PARD3: variants seen among roughly 807,000 people sequenced by gnomAD.
The protein encoded by PARD3 is par-3 family cell polarity regulator.
Under a neutral mutation model 155.4 loss-of-function variants are expected in PARD3, and 75 were observed. That is an observed-to-expected ratio of 0.48 (90% CI 0.40 to 0.58). The LOEUF (loss-of-function observed/expected upper bound fraction) is 0.58. PARD3 is among the 20% of genes least tolerant of loss of function. PARD3 has a pLI of 0.00. For synonymous variants in PARD3, 576 were observed against 610.5 expected (o/e 0.94, Z 0.83); for missense variants, 1,642 against 1,721.7 (o/e 0.95, Z 0.82).
intron 22 of PARD3, among the ~76,000 whole-genome samples, chr10:34,253,648 C>T (rs1013264779): frequency 3.9e-5 from 6 of 152,148 alleles, no homozygotes; most frequent in Non-Finnish European, 7.3e-5. Context: ...CTAAGCAATC[C>T]TTAATTGCTG....
At chr10:34,283,378 A>G (rs1277115355) in intron 21 of PARD3, among the ~76,000 whole-genome samples, 1 of 152,144 alleles carries the variant, frequency 6.6e-6, no homozygotes, top group East Asian at 1.9e-4. Context: ...GATGACAGAG[A>G]GAAGCTCACT....
At chr10:34,603,610 C>T (rs2089974951) in intron 2 of PARD3, among the ~76,000 whole-genome samples, 2 of 152,080 alleles carry the variant, frequency 1.3e-5, no homozygotes. Flanking sequence ...ATTAGGAACT[C>T]CAAACGACTC....
chr10:34,218,430 G>C (rs1952114665), intron 22 of PARD3, among the ~76,000 whole-genome samples: 1 of 152,100 alleles, frequency 6.6e-6, no homozygotes. Context: ...TGAGTCAAGA[G>C]AGTATCTCTA....
At chr10:34,435,644 T>C (rs926334544) in intron 5 of PARD3, among the ~76,000 whole-genome samples, 6 of 152,184 alleles carry the variant, frequency 3.9e-5, no homozygotes, top group African/African-American at 1.4e-4. Context: ...ACATAGTATG[T>C]TTACGTTTGG....
At chr10:34,556,440 T>A (rs544283441) in intron 2 of PARD3, among the ~76,000 whole-genome samples, 25 of 151,106 alleles carry the variant, frequency 1.7e-4, no homozygotes, top group South Asian at 1.1e-3. Flanking sequence ...TAGAGTGCAG[T>A]GGCGAGATCT....
At chr10:34,216,702 C>T (rs988851350) in intron 22 of PARD3, among the ~76,000 whole-genome samples, 1 of 152,194 alleles carries the variant, frequency 6.6e-6, no homozygotes, top group Non-Finnish European at 1.5e-5. Context: ...TATGCTTATC[C>T]TTCAGGCTCT....
chr10:34,451,158 T>C (rs2077034192), intron 4 of PARD3, among the ~76,000 whole-genome samples: 1 of 152,218 alleles, frequency 6.6e-6, no homozygotes, highest in African/African-American at 2.4e-5. Flanking sequence ...TGCTACGTGA[T>C]ATTTCTTTCA....
At chr10:34,681,756 ATATATATATATATTTTTTTTTTTT>A (rs1564500429) in intron 2 of PARD3, among the ~76,000 whole-genome samples, 14 of 18,912 alleles carry the variant, frequency 7.4e-4, no homozygotes, top group African/African-American at 3.7e-3. Flanking sequence ...ATATATATAT[ATATATATATATATTTTTTTTTTTT>A]TTTTTTTTTT....
At chr10:34,795,618 A>C (rs1842166213) in intron 1 of PARD3, among the ~76,000 whole-genome samples, 2 of 152,078 alleles carry the variant, frequency 1.3e-5, no homozygotes, top group East Asian at 1.9e-4. Context: ...TCAAAAAAAA[A>C]CCGGGCGTGG....
intron 22 of PARD3, among the ~76,000 whole-genome samples, chr10:34,148,063 G>C (rs1168998391): frequency 1.3e-5 from 2 of 151,660 alleles, no homozygotes; most frequent in African/African-American, 4.9e-5. Context: ...AGACCAAATG[G>C]GACTAATGAT....
intron 22 of PARD3, among the ~76,000 whole-genome samples, chr10:34,265,615 T>C (rs901234030): frequency 1.3e-5 from 2 of 152,216 alleles, no homozygotes; most frequent in Admixed American, 6.5e-5. Flanking sequence ...TTGTGTCTAT[T>C]CTTCATACAG....
chr10:34,362,549 C>T (rs1434394750), intron 12 of PARD3, among the ~76,000 whole-genome samples: 3 of 152,142 alleles, frequency 2.0e-5, no homozygotes, highest in East Asian at 3.9e-4. Flanking sequence ...AGGTGGAATG[C>T]GGTGGTACAA....
At chr10:34,370,395 C>T (rs533422485) in intron 12 of PARD3, among the ~76,000 whole-genome samples, 4 of 152,170 alleles carry the variant, frequency 2.6e-5, no homozygotes, top group East Asian at 1.9e-4. Context: ...AATTCACAGC[C>T]GATCATCAGT....
chr10:34,129,700 C>CTTTTTTTTTTT (rs1209547388), intron 23 of PARD3, among the ~76,000 whole-genome samples: 1 of 82,986 alleles, frequency 1.2e-5, no homozygotes, highest in African/African-American at 4.6e-5. Flanking sequence ...TGTCAAGCCT[C>CTTTTTTTTTTT]TTTTTTTTTT....
intron 2 of PARD3, among the ~76,000 whole-genome samples, chr10:34,608,853 C>T (rs2090671329): frequency 6.6e-6 from 1 of 152,038 alleles, no homozygotes; most frequent in South Asian, 2.1e-4. Context: ...TTAAAACTAA[C>T]AGGGTATAGC....
chr10:34,386,809 A>C (rs1428344553), intron 7 of PARD3, among the ~76,000 whole-genome samples: 1 of 145,530 alleles, frequency 6.9e-6, no homozygotes, highest in East Asian at 2.0e-4. Flanking sequence ...GCAACGCAAA[A>C]CTCCGTCCAA....
intron 22 of PARD3, among the ~76,000 whole-genome samples, chr10:34,258,863 T>G (rs932830708): frequency 6.6e-6 from 1 of 151,948 alleles, no homozygotes; most frequent in Non-Finnish European, 1.5e-5. Context: ...CAAGGCAGTA[T>G]AGCAAGACCC....
chr10:34,469,880 G>A (rs140869152), intron 4 of PARD3, among the ~76,000 whole-genome samples: 20 of 152,042 alleles, frequency 1.3e-4, no homozygotes, highest in Admixed American at 5.2e-4. Flanking sequence ...CACCATACAC[G>A]GCACTGATTT....
At chr10:34,542,804 C>A (rs1261060386) in intron 2 of PARD3, among the ~76,000 whole-genome samples, 1 of 152,122 alleles carries the variant, frequency 6.6e-6, no homozygotes, top group Non-Finnish European at 1.5e-5. Flanking sequence ...AAAGATGGAA[C>A]AAGGCATCAT....
Sources: gnomAD v4.1 joint callset for allele counts (sites outside exome capture counted in the v4.1 genomes callset) on GRCh38, gnomAD v4.1.1 for gene constraint, MANE v1.5 for transcripts, NCBI Gene and HGNC (gene_info 2026-07-23, HGNC 2026-07-21) for gene names.